The following SEC24A variants were observed in gnomAD, a reference collection of about 807,000 sequenced individuals.
SEC24A encodes protein transport protein Sec24A.
SEC24A carries 93 observed loss-of-function variants against 129.4 expected under a neutral mutation model. The observed-to-expected ratio is 0.72, with a 90% CI of 0.61 to 0.85. The LOEUF (loss-of-function observed/expected upper bound fraction) is 0.85, where lower values mean the gene tolerates loss of function less well. Among genes scored for constraint, SEC24A ranks in the 40% least tolerant of loss-of-function variants. SEC24A has a pLI of 0.00. For missense variants in SEC24A, 1,264 were observed against 1,307.4 expected, an observed-to-expected ratio of 0.97 and a Z score of 0.51; for synonymous variants, 460 against 467.3, an observed-to-expected ratio of 0.98 and a Z score of 0.20.
chr5:134,676,144 C>CTTTTT lies in SEC24A; in HGVS notation c.1254+28_1254+32dup. On this transcript the variant is annotated intron_variant, in intron 7 of 22. Coordinates refer to ENST00000398844, the MANE Select transcript of SEC24A (RefSeq NM_021982.3). ...CTTAGTGGTATGTTTCTTTTCTTTT[C>CTTTTT]TTTTTTTTTTTTTGAGACGGAGTCT... 6 of 1,275,840 alleles carry CTTTTT rather than the reference C, an allele frequency of 4.7e-6. No homozygotes were observed. The highest frequency in any genetic ancestry group is 2.7e-5 in the East Asian group (1 of 37,348). The allele number at this position is 1,275,840 out of a possible 1,614,324, so 79.0% of individuals were successfully genotyped here. A position where few individuals can be genotyped will look rare whatever the true frequency, so the allele number is the denominator to read the frequency against.
At chr5:134,672,426 G>C (rs1321015368) in intron 4 of SEC24A, among the ~76,000 whole-genome samples, 1 of 152,036 alleles carries the variant, frequency 6.6e-6, no homozygotes, top group East Asian at 1.9e-4. Flanking sequence ...GACCTCAAGT[G>C]ATCTGCCCGC....
chr5:134,694,391 G>A (rs1751754535), intron 13 of SEC24A, among the ~76,000 whole-genome samples: 1 of 152,096 alleles, frequency 6.6e-6, no homozygotes, highest in South Asian at 2.1e-4. Flanking sequence ...TGGGCGCGGT[G>A]GCTCACGCTT....
chr5:134,715,182 G>A (rs1752441436), intron 19 of SEC24A, 21 bp downstream of exon 19: 2 of 1,600,582 alleles, frequency 1.2e-6, no homozygotes, highest in African/African-American at 1.3e-5. Context: ...TTGCTTTTTT[G>A]TGGTTTTACT....
intron 3 of SEC24A, among the ~76,000 whole-genome samples, chr5:134,669,997 G>T (rs980747691): frequency 6.6e-6 from 1 of 152,132 alleles, no homozygotes; most frequent in African/African-American, 2.4e-5. Context: ...AAGGATCTTG[G>T]CCCACTGCAG....
intron 11 of SEC24A, among the ~76,000 whole-genome samples, chr5:134,690,602 A>C (rs982964854): frequency 6.6e-6 from 1 of 152,202 alleles, no homozygotes; most frequent in Non-Finnish European, 1.5e-5. Flanking sequence ...GGCATGGGCC[A>C]CCACACCTGG....
Position 134,705,825 on chromosome 5 carries a change from C to A in SEC24A, c.2551+388C>A, listed in dbSNP as rs189527515. ...TCCCTCCCTTACTGGCCTTAAGTAA[C>A]CACTAAACTACTTTCTGTCTCTATA... On this transcript the variant is annotated intron_variant, in intron 17 of 22. Transcript: ENST00000398844. Among the ~76,000 whole-genome samples the A allele has an allele frequency of 7.0e-4, 107 of 152,094 alleles. 1 individual carries two copies. The highest frequency in any genetic ancestry group is 2.2e-3 in the African/African-American group (93 of 41,510).
Position 134,648,987 on chromosome 5 carries a change from G to C in SEC24A, c.-90G>C. On this transcript the variant is annotated 5_prime_UTR_variant, in exon 1 of 23. It removes the in-frame stop codon of an upstream open reading frame in the 5' UTR. Transcript: ENST00000398844. ...CCCAGTCTTCAGTCTTAAGTCGTTA[G>C]CCTCCTCCCTCCGCTTTCAGCAGTG... The C allele has an allele frequency of 1.1e-6, 1 of 922,384 alleles. No individual in the cohort carries two copies. Among genetic ancestry groups the C allele is most frequent in the Non-Finnish European group, 1.7e-6 (1 of 592,170 alleles). 57.1% of individuals were successfully genotyped at this position (922,384 alleles called of 1,614,324 possible).
chr5:134,666,916 C>G lies in SEC24A; in HGVS notation c.659C>G (p.Pro220Arg). The G allele has an allele frequency of 6.2e-7, 1 of 1,610,632 alleles. No homozygotes were observed. Among genetic ancestry groups the G allele is most frequent in the Non-Finnish European group, 8.5e-7 (1 of 1,176,824 alleles). Residue 220 changes from proline to arginine, a missense_variant, in exon 3 of 23, where the codon CCA becomes CGA. Coordinates refer to ENST00000398844, the MANE Select transcript of SEC24A (RefSeq NM_021982.3). ...HGPPPAGGPPPVRALTPLTSS... is the reference protein window; with the variant it reads ...HGPPPAGGPPRVRALTPLTSS... ...CCCCCTCCAGCTGGAGGCCCACCCCCAGTGAGGGCCCTCACGCCCCTGACA... is the reference window on the plus strand; with the variant it reads ...CCCCCTCCAGCTGGAGGCCCACCCCGAGTGAGGGCCCTCACGCCCCTGACA...
intron 19 of SEC24A, 88 bp downstream of exon 19, chr5:134,715,249 T>C: frequency 8.7e-7 from 1 of 1,149,154 alleles, no homozygotes; most frequent in Non-Finnish European, 1.2e-6. Context: ...GGTTTGTTTA[T>C]TATTTAAGGC....
chr5:134,689,296 C>T (rs1751553703), intron 11 of SEC24A, among the ~76,000 whole-genome samples: 1 of 152,146 alleles, frequency 6.6e-6, no homozygotes, highest in Non-Finnish European at 1.5e-5. Context: ...TGAATTATCA[C>T]ATTATGTAGC....
intron 15 of SEC24A, 116 bp downstream of exon 15, chr5:134,698,173 A>C: frequency 1.2e-6 from 1 of 837,324 alleles, no homozygotes; most frequent in Non-Finnish European, 1.8e-6. Context: ...CTACTCTGGA[A>C]TATGCAATTA....
intron 2 of SEC24A, among the ~76,000 whole-genome samples, chr5:134,665,643 G>A (rs1333215568): frequency 1.3e-5 from 2 of 151,730 alleles, no homozygotes; most frequent in Non-Finnish European, 2.9e-5. Context: ...TGCAACCTCT[G>A]CCTCGCAGGT....
chr5:134,703,453 A>G (rs1580728901), intron 15 of SEC24A, among the ~76,000 whole-genome samples: 1 of 152,104 alleles, frequency 6.6e-6, no homozygotes, highest in East Asian at 1.9e-4. Context: ...TTTTTGGTAG[A>G]GACAGGGTTT....
rs768927487 is a variant in SEC24A, at chr5:134,670,988, C to CA, written c.740-812dup. ...TGGGCAACAGAGTGAGACTCCATCT[C>CA]AAAAAAAAAGAAAAGAAAAGAAAGT... On this transcript the variant is annotated intron_variant, in intron 3 of 22. Coordinates refer to ENST00000398844, the MANE Select transcript of SEC24A (RefSeq NM_021982.3). 8.0e-5 allele frequency among the ~76,000 whole-genome samples: 12 copies of CA among 149,166 alleles called. No individual in the cohort carries two copies. The East Asian group carries it at 1.4e-3, about 17-fold the overall frequency.
intron 8 of SEC24A, 43 bp downstream of exon 8, chr5:134,679,771 A>G: frequency 1.4e-6 from 2 of 1,466,414 alleles, no homozygotes; most frequent in Non-Finnish European, 1.8e-6. Flanking sequence ...TTCTACTTGC[A>G]TTGTAGGGAA....
chr5:134,694,251 C>T (rs1172166607), intron 13 of SEC24A, among the ~76,000 whole-genome samples: 7 of 152,168 alleles, frequency 4.6e-5, no homozygotes, highest in Admixed American at 2.6e-4. Context: ...TTTGGCTGGG[C>T]GTGGTAGCTC....
At chr5:134,718,019 C>A in intron 19 of SEC24A, 50 bp from the exon 20 acceptor site, 1 of 1,381,892 alleles carries the variant, frequency 7.2e-7, no homozygotes, top group Non-Finnish European at 1.0e-6. Context: ...TTAACTGTGA[C>A]TCCATATTTC....
At chr5:134,657,993 G>A (rs1561800866) in intron 1 of SEC24A, among the ~76,000 whole-genome samples, 1 of 152,170 alleles carries the variant, frequency 6.6e-6, no homozygotes, top group Non-Finnish European at 1.5e-5. Flanking sequence ...ATATGGCTGG[G>A]CATGGTGGCT....
rs1246730015 is a variant in SEC24A at position 134,657,179 on chromosome 5, AACGCAC to A, written c.98-3937_98-3932del. On this transcript the variant is annotated intron_variant, in intron 1 of 22. Transcript: ENST00000398844. ...GCAGAGCGAGACCTCATTTCTGAAA[AACGCAC>A]ACACACACACACACACACACACACA... Among the ~76,000 whole-genome samples, 23 of 137,016 alleles carry A rather than the reference AACGCAC, an allele frequency of 1.7e-4. No homozygotes were observed. The East Asian group carries it at 4.5e-3, about 27-fold the overall frequency. 89.9% of individuals were successfully genotyped at this position (137,016 alleles called of 152,430 possible).
Sources: allele counts gnomAD v4.1 joint callset (sites outside exome capture counted in the v4.1 genomes callset), GRCh38; gene constraint gnomAD v4.1.1; transcripts MANE v1.5; gene names NCBI Gene and HGNC (gene_info 2026-07-23, HGNC 2026-07-21).